UPP2: variants seen among roughly 807,000 people sequenced by gnomAD.
UPP2 encodes the protein uridine phosphorylase 2.
In UPP2, 23 loss-of-function variants were observed where a neutral mutation model predicts 26.7. The ratio of observed to expected loss-of-function variants is 0.86; its 90% CI spans 0.62 to 1.22. The LOEUF (loss-of-function observed/expected upper bound fraction) is 1.22, where lower values mean the gene tolerates loss of function less well. Among genes scored for constraint, UPP2 ranks in the 50% most tolerant of loss-of-function variants. The probability of loss-of-function intolerance (pLI) is 0.00; values close to 1 mark genes in which losing one functional copy is unlikely to be tolerated. For synonymous variants in UPP2, 127 were observed against 141.3 expected, an observed-to-expected ratio of 0.90 and a Z score of 0.72; for missense variants, 387 against 396.7, an observed-to-expected ratio of 0.98 and a Z score of 0.21.
chr2:158,044,059 A>C (rs974964767), intron 3 of UPP2, among the ~76,000 whole-genome samples: 1 of 152,254 alleles, frequency 6.6e-6, no homozygotes, highest in Non-Finnish European at 1.5e-5. Context: ...CCTATTATCC[A>C]AAGATGAGAT....
At chr2:158,007,666 C>T (rs1242330386) in intron 2 of UPP2, among the ~76,000 whole-genome samples, 4 of 149,928 alleles carry the variant, frequency 2.7e-5, no homozygotes, top group East Asian at 2.0e-4. Context: ...CTTGCTCTGT[C>T]GCTCAGACTG....
chr2:158,006,476 CAAAAA>C (rs3038697), intron 2 of UPP2, among the ~76,000 whole-genome samples: 1 of 77,410 alleles, frequency 1.3e-5, no homozygotes, highest in Admixed American at 1.5e-4. Flanking sequence ...GACTCCGTCT[CAAAAA>C]AAAAAAAAAA....
rs573073474 is a variant in UPP2 at position 158,094,448 on chromosome 2, C to T, written c.148-7592C>T. ...CTGTTTAGTTACTTTAAATAAAAAA[C>T]CAAGTAAAGTGTTCAAAAGAATAAC... is the stretch of plus-strand genomic sequence containing the variant. On this transcript the variant is annotated intron_variant, in intron 3 of 9. Transcript: ENST00000605860. 1.2e-3 allele frequency among the ~76,000 whole-genome samples: 178 copies of T among 152,078 alleles called. 1 individual carries two copies. Among genetic ancestry groups the T allele is most frequent in the African/African-American group, 4.2e-3 (172 of 41,400 alleles).
intron 3 of UPP2, among the ~76,000 whole-genome samples, chr2:158,063,105 C>T (rs1472838697): frequency 6.6e-6 from 1 of 152,214 alleles, no homozygotes. Context: ...GTAGCCTTTT[C>T]TTGAATGATT....
At chr2:158,032,605 A>G (rs1683939781) in intron 3 of UPP2, among the ~76,000 whole-genome samples, 1 of 152,100 alleles carries the variant, frequency 6.6e-6, no homozygotes, top group African/African-American at 2.4e-5. Context: ...GCTGGGACTG[A>G]GATCACTGGA....
At chr2:158,125,672 G>A (rs918906126) in intron 6 of UPP2, among the ~76,000 whole-genome samples, 4 of 151,952 alleles carry the variant, frequency 2.6e-5, no homozygotes, top group Non-Finnish European at 5.9e-5. Flanking sequence ...CACTTGCCTC[G>A]GCCTCCCAAA....
chr2:158,102,174 T>C, intron 1 of UPP2, 49 bp downstream of exon 1: 2 of 1,594,086 alleles, frequency 1.3e-6, no homozygotes, highest in Non-Finnish European at 1.7e-6. Flanking sequence ...TGGTTGCTCC[T>C]TGGATTTTGT....
rs114423806 is a variant in UPP2, at chr2:158,077,846, A to C, written c.148-24194A>C. 1.6e-3 allele frequency among the ~76,000 whole-genome samples: 244 copies of C among 152,222 alleles called. 1 individual carries two copies. Among genetic ancestry groups the C allele is most frequent in the African/African-American group, 5.7e-3 (237 of 41,572 alleles). ...CAACAAAGTGCATGAGACAACCCAC[A>C]GAATAAGAGGGAGAAAATACTTATA... On this transcript the variant is annotated intron_variant, in intron 3 of 9. Coordinates refer to the UPP2 transcript ENST00000605860.
At chr2:157,998,763 G>A (rs573924947) in intron 2 of UPP2, among the ~76,000 whole-genome samples, 21 of 152,050 alleles carry the variant, frequency 1.4e-4, no homozygotes, top group South Asian at 4.1e-4. Context: ...AGATTGCACC[G>A]CTGCACTGCC....
At chr2:158,127,374 G>T (rs1683716381) in intron 6 of UPP2, among the ~76,000 whole-genome samples, 1 of 152,044 alleles carries the variant, frequency 6.6e-6, no homozygotes, top group Admixed American at 6.6e-5. Flanking sequence ...ATAAGAACAG[G>T]GACCTTGTTT....
chr2:158,039,655 C>A (rs1300237996), intron 3 of UPP2, among the ~76,000 whole-genome samples: 1 of 152,170 alleles, frequency 6.6e-6, no homozygotes, highest in Non-Finnish European at 1.5e-5. Context: ...AGTTCATGGA[C>A]TAATAGCATG....
At chr2:158,095,697 T>C (rs1682974483) in intron 3 of UPP2, among the ~76,000 whole-genome samples, 1 of 152,186 alleles carries the variant, frequency 6.6e-6, no homozygotes. Context: ...GTTGTGAGGA[T>C]GAAATGAGAT....
intron 3 of UPP2, among the ~76,000 whole-genome samples, chr2:158,057,510 T>C (rs950949799): frequency 2.6e-5 from 4 of 152,214 alleles, no homozygotes; most frequent in African/African-American, 9.7e-5. Flanking sequence ...GTGAAAACTC[T>C]TTGAGTTGGC....
At chr2:158,031,574 G>A (rs576180405) in intron 3 of UPP2, among the ~76,000 whole-genome samples, 8 of 152,316 alleles carry the variant, frequency 5.3e-5, no homozygotes, top group Admixed American at 1.3e-4. Flanking sequence ...CTGAGGTTCC[G>A]AGCCAGCTCT....
At chr2:158,012,201 T>C (rs1353276028) in intron 2 of UPP2, among the ~76,000 whole-genome samples, 2 of 151,372 alleles carry the variant, frequency 1.3e-5, no homozygotes, top group African/African-American at 4.8e-5. Context: ...GAGAAAATTT[T>C]AAGAACAGAA....
At chr2:158,063,684 G>A (rs991450727) in intron 3 of UPP2, among the ~76,000 whole-genome samples, 1 of 151,944 alleles carries the variant, frequency 6.6e-6, no homozygotes, top group Non-Finnish European at 1.5e-5. Flanking sequence ...TGCTATGGTG[G>A]TTTGCTGCAC....
Position 158,090,390 on chromosome 2 carries a change from A to G in UPP2, c.148-11650A>G, listed in dbSNP as rs542755125. On this transcript the variant is annotated intron_variant, in intron 3 of 9. Transcript: ENST00000605860. ...GTGGTGGGCACCTGTAGTCGCAGCT[A>G]CTCCGGAGGCTGAGGCAGGAGAATG... 2.6e-5 allele frequency among the ~76,000 whole-genome samples: 4 copies of G among 152,084 alleles called. No homozygotes were observed. In the South Asian group the frequency reaches 8.3e-4, roughly 32 times the overall value.
chr2:158,097,353 C>T (rs1057044806), upstream of UPP2, among the ~76,000 whole-genome samples: 1 of 151,650 alleles, frequency 6.6e-6, no homozygotes, highest in Non-Finnish European at 1.5e-5. Context: ...AATCATTGTC[C>T]AAAGAGAAAT....
chr2:158,071,772 T>C (rs911920470), intron 3 of UPP2, among the ~76,000 whole-genome samples: 1 of 151,840 alleles, frequency 6.6e-6, no homozygotes, highest in African/African-American at 2.4e-5. Context: ...CCTGGCAGGA[T>C]TCATCATCTA....
Sources: gnomAD v4.1 joint callset for allele counts (sites outside exome capture counted in the v4.1 genomes callset) on GRCh38, gnomAD v4.1.1 for gene constraint, MANE v1.5 for transcripts, NCBI Gene and HGNC (gene_info 2026-07-23, HGNC 2026-07-21) for gene names.